The following CHODL variants were observed in gnomAD, a reference collection of about 807,000 sequenced individuals.
The protein encoded by CHODL is chondrolectin, also known as transmembrane protein MT75.
Under a neutral mutation model 34.5 loss-of-function variants are expected in CHODL, and 29 were observed. The observed-to-expected ratio is 0.84, with a 90% confidence interval of 0.63 to 1.15. The LOEUF (loss-of-function observed/expected upper bound fraction) is 1.15, where lower values mean the gene tolerates loss of function less well. Ranked by LOEUF, CHODL falls within the 50% of genes most tolerant of loss-of-function variation. The pLI is 0.00. For missense variants in CHODL, 332 were observed against 332.5 expected, an observed-to-expected ratio of 1.00 and a Z score of 0.01; for synonymous variants, 125 against 116.1, an observed-to-expected ratio of 1.08 and a Z score of -0.49.
chr21:18,257,636 C>T (rs1265087081), intron 3 of CHODL, among the ~76,000 whole-genome samples: 24 of 152,078 alleles, frequency 1.6e-4, no homozygotes, highest in Admixed American at 1.6e-3. Context: ...CTCATTGCCC[C>T]ATAGTGGAAA....
chr21:18,037,631 A>T (rs2064326556), intron 2 of CHODL, among the ~76,000 whole-genome samples: 1 of 151,772 alleles, frequency 6.6e-6, no homozygotes, highest in Non-Finnish European at 1.5e-5. Context: ...CAAAGAATTA[A>T]ATCAGTGATG....
chr21:18,141,927 CG>C (rs2072808657), intron 2 of CHODL, among the ~76,000 whole-genome samples: 1 of 151,936 alleles, frequency 6.6e-6, no homozygotes, highest in African/African-American at 2.4e-5. Flanking sequence ...GTGAACTGAC[CG>C]GTGCTTCACT....
At chr21:17,961,778 A>G (rs1202180939) in intron 1 of CHODL, among the ~76,000 whole-genome samples, 1 of 152,242 alleles carries the variant, frequency 6.6e-6, no homozygotes, top group Non-Finnish European at 1.5e-5. Context: ...ATATACGGTA[A>G]AAAAGTGGCT....
At chr21:18,158,462 C>T (rs980346530) in intron 2 of CHODL, among the ~76,000 whole-genome samples, 2 of 152,164 alleles carry the variant, frequency 1.3e-5, no homozygotes, top group African/African-American at 2.4e-5. Flanking sequence ...TGTTAATTAG[C>T]ACCTGCATCT....
intron 2 of CHODL, among the ~76,000 whole-genome samples, chr21:18,149,673 TGAG>T (rs2072940693): frequency 6.6e-6 from 1 of 152,176 alleles, no homozygotes; most frequent in Non-Finnish European, 1.5e-5. Flanking sequence ...TAAAGTTCCT[TGAG>T]GAGAATTGCA....
Position 18,266,476 on chromosome 21 carries a change from T to A in CHODL, c.*438T>A, listed in dbSNP as rs558084611. 8.8e-5 allele frequency: 16 copies of A among 180,854 alleles called. No individual in the cohort carries two copies. The South Asian group carries it at 2.1e-3, about 24-fold the overall frequency. The allele number at this position is 180,854 out of a possible 1,614,324, so 11.2% of individuals were successfully genotyped here. A position where few individuals can be genotyped will look rare whatever the true frequency, so the allele number is the denominator to read the frequency against. The stretch of plus-strand genomic sequence containing the variant: ...AGTGTTTGATAAAAATGAACTGTTC[T>A]AATATTTATTTTTATGGCATCTCAT... On this transcript the variant is annotated 3_prime_UTR_variant, in exon 6 of 6. Coordinates refer to ENST00000299295, the MANE Select transcript of CHODL (RefSeq NM_024944.3).
At chr21:18,079,995 T>C (rs2064921664) in intron 2 of CHODL, among the ~76,000 whole-genome samples, 1 of 152,058 alleles carries the variant, frequency 6.6e-6, no homozygotes, top group Admixed American at 6.6e-5. Context: ...CCTGCCAACA[T>C]CTATTGTTTT....
At chr21:17,960,128 A>G (rs2063521429) in intron 1 of CHODL, among the ~76,000 whole-genome samples, 3 of 152,162 alleles carry the variant, frequency 2.0e-5, no homozygotes, top group South Asian at 2.1e-4. Context: ...AGGCTTCTCC[A>G]TGATACAGCA....
intron 2 of CHODL, among the ~76,000 whole-genome samples, chr21:18,225,440 A>G (rs1263927257): frequency 6.6e-6 from 1 of 152,180 alleles, no homozygotes; most frequent in African/African-American, 2.4e-5. Flanking sequence ...AAAACTGTGT[A>G]ACTTAATTAT....
upstream of CHODL, among the ~76,000 whole-genome samples, chr21:18,241,645 G>C (rs1465614036): frequency 2.0e-5 from 3 of 152,150 alleles, no homozygotes; most frequent in Non-Finnish European, 4.4e-5. Flanking sequence ...CCTTCCTTGA[G>C]ACGTATTGAT....
chr21:18,166,794 A>C (rs549560644), intron 2 of CHODL, among the ~76,000 whole-genome samples: 1 of 152,254 alleles, frequency 6.6e-6, no homozygotes, highest in South Asian at 2.1e-4. Flanking sequence ...ATTTGTGGAT[A>C]TCCTTGATCC....
chr21:17,965,132 C>G (rs148196567), intron 1 of CHODL, among the ~76,000 whole-genome samples: 12 of 152,220 alleles, frequency 7.9e-5, no homozygotes, highest in Admixed American at 5.2e-4. Flanking sequence ...TCATTGTCAT[C>G]ATCCCAATTT....
intron 2 of CHODL, among the ~76,000 whole-genome samples, chr21:18,150,404 G>A (rs527933365): frequency 6.6e-6 from 1 of 152,200 alleles, no homozygotes; most frequent in South Asian, 2.1e-4. Flanking sequence ...CCTGGCCAAG[G>A]AGAAAGTCCA....
chr21:17,943,343 G>A (rs369336162), intron 1 of CHODL, among the ~76,000 whole-genome samples: 185 of 152,296 alleles, frequency 1.2e-3, no homozygotes, highest in Middle Eastern at 0.01. Flanking sequence ...CCTCCTCAAA[G>A]CCTGCCCTAC....
intron 1 of CHODL, among the ~76,000 whole-genome samples, chr21:17,986,242 T>C (rs1740073510): frequency 6.6e-6 from 1 of 152,182 alleles, no homozygotes; most frequent in African/African-American, 2.4e-5. Flanking sequence ...GGTATACACA[T>C]GCCATGGTGG....
chr21:18,118,942 A>G (rs912484742), intron 2 of CHODL, among the ~76,000 whole-genome samples: 1 of 152,216 alleles, frequency 6.6e-6, no homozygotes, highest in African/African-American at 2.4e-5. Flanking sequence ...TCTCCAAGCC[A>G]GATGGAAGAG....
At chr21:18,029,159 C>T (rs2064218770) in intron 2 of CHODL, among the ~76,000 whole-genome samples, 1 of 152,126 alleles carries the variant, frequency 6.6e-6, no homozygotes, top group Non-Finnish European at 1.5e-5. Flanking sequence ...AATATCATCT[C>T]TCCTAAAGCA....
intron 2 of CHODL, among the ~76,000 whole-genome samples, chr21:18,166,705 C>T (rs2073157371): frequency 1.3e-5 from 2 of 151,914 alleles, no homozygotes; most frequent in African/African-American, 4.8e-5. Context: ...ATTTTATCAA[C>T]TTGATATTCT....
At chr21:18,159,082 C>T (rs1263155033) in intron 2 of CHODL, among the ~76,000 whole-genome samples, 1 of 152,090 alleles carries the variant, frequency 6.6e-6, no homozygotes, top group African/African-American at 2.4e-5. Flanking sequence ...TTCTTAAATG[C>T]AGACACTTTT....
Sources: gnomAD v4.1 joint callset for allele counts (sites outside exome capture counted in the v4.1 genomes callset) on GRCh38, gnomAD v4.1.1 for gene constraint, MANE v1.5 for transcripts, NCBI Gene and HGNC (gene_info 2026-07-23, HGNC 2026-07-21) for gene names.